DDX31: variants seen among roughly 807,000 people sequenced by gnomAD.
DDX31 encodes DEAD-box helicase 31.
In DDX31, 70 loss-of-function variants were observed where a neutral mutation model predicts 91.3. That is an observed-to-expected ratio of 0.77 (90% CI 0.63 to 0.94). DDX31 has a LOEUF of 0.94. DDX31 is among the 40% of genes least tolerant of loss of function. The probability of loss-of-function intolerance (pLI) is 0.00; values close to 1 mark genes in which losing one functional copy is unlikely to be tolerated. For synonymous variants in DDX31, 362 were observed against 350.6 expected (o/e 1.03, Z -0.36); for missense variants, 902 against 925.0 (o/e 0.98, Z 0.32).
chr9:132,662,497 G>C lies in DDX31; in HGVS notation c.274C>G (p.Gln92Glu). ...STSDRNQEERQCIKTSSLFKN... is the reference protein window; with the variant it reads ...STSDRNQEERECIKTSSLFKN... ...AACAGTGATGAAGTCTTAATGCACT[G>C]TCTCTCCTCCTGGTTTCTATCACTT... The change falls in exon 2 of 20, where the codon CAG (glutamine) becomes GAG (glutamate). Residue 92 changes from glutamine to glutamate, a missense_variant. Gln to Glu is a conservative substitution (Grantham distance 29). Coordinates refer to ENST00000372159, the MANE Select transcript of DDX31 (RefSeq NM_022779.9). The C allele has an allele frequency of 6.2e-7, 1 of 1,614,190 alleles. No individual in the cohort carries two copies. Among genetic ancestry groups the C allele is most frequent in the Non-Finnish European group, 8.5e-7 (1 of 1,180,038 alleles).
At chr9:132,596,581 G>A (rs977068794) in intron 19 of DDX31, among the ~76,000 whole-genome samples, 1 of 152,160 alleles carries the variant, frequency 6.6e-6, no homozygotes, top group Non-Finnish European at 1.5e-5. Context: ...TACAATCCTC[G>A]CTCAACAAGG....
In DDX31 at chr9:132,651,063, G is replaced by A. The variant is rs113115390; in HGVS notation, c.675+12C>T. The A allele has an allele frequency of 5.6e-6, 9 of 1,608,032 alleles. No homozygotes were observed. The highest frequency in any genetic ancestry group is 4.0e-5 in the African/African-American group (3 of 74,678). On this transcript the variant is annotated intron_variant, in intron 8 of 19. Coordinates refer to ENST00000372159, the MANE Select transcript of DDX31 (RefSeq NM_022779.9). ...GCAAGCAAGATGAAATGGAACTCATGGTTTGCCTTACCTTAAGCAGTTTCT... is the reference window on the plus strand; with the variant it reads ...GCAAGCAAGATGAAATGGAACTCATAGTTTGCCTTACCTTAAGCAGTTTCT...
At chr9:132,597,572 G>A (rs557342878) in intron 19 of DDX31, among the ~76,000 whole-genome samples, 2 of 152,286 alleles carry the variant, frequency 1.3e-5, no homozygotes, top group East Asian at 3.9e-4. Flanking sequence ...TCCTGCTACC[G>A]CTAAGGCAAA....
intron 7 of DDX31, among the ~76,000 whole-genome samples, chr9:132,651,781 C>A (rs1037599822): frequency 6.6e-6 from 1 of 152,176 alleles, no homozygotes; most frequent in African/African-American, 2.4e-5. Flanking sequence ...ATTCATGAAG[C>A]ATCCTCGAGA....
intron 19 of DDX31, among the ~76,000 whole-genome samples, chr9:132,610,800 A>G (rs1480859434): frequency 6.6e-6 from 1 of 151,990 alleles, no homozygotes; most frequent in African/African-American, 2.4e-5. Context: ...AAAAATATGG[A>G]TTTTCCTCCC....
chr9:132,643,259 T>A (rs1342378077), intron 13 of DDX31, among the ~76,000 whole-genome samples: 1 of 152,214 alleles, frequency 6.6e-6, no homozygotes, highest in Non-Finnish European at 1.5e-5. Context: ...CCTAGAATGC[T>A]TTCAGTATGA....
chr9:132,664,416 A>G (rs1835178093), intron 1 of DDX31, among the ~76,000 whole-genome samples: 1 of 152,146 alleles, frequency 6.6e-6, no homozygotes, highest in South Asian at 2.1e-4. Context: ...GAACTAAAAA[A>G]TCTGTAATAT....
intron 1 of DDX31, chr9:132,663,181 C>A (rs1216750356): frequency 1.3e-5 from 17 of 1,289,238 alleles, no homozygotes; most frequent in Non-Finnish European, 1.6e-5. Context: ...AGGGGGAATG[C>A]GCATCTCAGC....
intron 17 of DDX31, among the ~76,000 whole-genome samples, chr9:132,620,786 A>C (rs967806697): frequency 2.0e-5 from 3 of 152,148 alleles, no homozygotes; most frequent in African/African-American, 7.2e-5. Context: ...CTATAATGAG[A>C]GCGGGTCAAA....
chr9:132,615,560 G>A (rs1831580403), intron 18 of DDX31, among the ~76,000 whole-genome samples: 1 of 152,200 alleles, frequency 6.6e-6, no homozygotes, highest in African/African-American at 2.4e-5. Flanking sequence ...TCACTGGTGT[G>A]GGTTTTCTAG....
intron 19 of DDX31, among the ~76,000 whole-genome samples, chr9:132,604,783 T>A (rs1422799456): frequency 6.6e-6 from 1 of 152,204 alleles, no homozygotes; most frequent in East Asian, 1.9e-4. Flanking sequence ...TGGTCCTAAC[T>A]GTTTTGCTCT....
At chr9:132,661,326 G>A in intron 3 of DDX31, 75 bp from the exon 4 acceptor site, 4 of 1,244,012 alleles carry the variant, frequency 3.2e-6, no homozygotes, top group Non-Finnish European at 4.6e-6. Flanking sequence ...CAAGAAAGGA[G>A]AAACTATTGA....
rs951461501 is a variant in DDX31 at position 132,637,868 on chromosome 9, C to T, written c.1440+4136G>A. The T allele has an allele frequency of 2.0e-5, 20 of 987,188 alleles. No individual in the cohort carries two copies. In the South Asian group the frequency reaches 3.8e-4, roughly 19 times the overall value. The allele number at this position is 987,188 out of a possible 1,614,324, so 61.2% of individuals were successfully genotyped here. A position where few individuals can be genotyped will look rare whatever the true frequency, so the allele number is the denominator to read the frequency against. On this transcript the variant is annotated intron_variant, in intron 14 of 19. Coordinates refer to ENST00000372159, the MANE Select transcript of DDX31 (RefSeq NM_022779.9). ...AAAAAGCATACCCCAGAGAAAAGCA[C>T]GAAAGTCTACATTTATTTGGGACAC...
intron 17 of DDX31, among the ~76,000 whole-genome samples, chr9:132,619,622 A>T (rs964200851): frequency 2.6e-5 from 4 of 152,202 alleles, no homozygotes; most frequent in Non-Finnish European, 5.9e-5. Flanking sequence ...GTTTAGTCAA[A>T]TCATTCCTGC....
rs1488462009 is a variant in DDX31 at position 132,625,762 on chromosome 9, A to G, written c.1632-17T>C. ...TCAGAAACGCTGTAAAAGGAAGGGC[A>G]CAGCAAGGTAACTTTTTGCTCTTTC... is the stretch of plus-strand genomic sequence containing the variant. On this transcript the variant is annotated splice_polypyrimidine_tract_variant and intron_variant, in intron 16 of 19. Transcript: ENST00000372159. The G allele has an allele frequency of 1.3e-5, 21 of 1,608,338 alleles. No homozygotes were observed. Among genetic ancestry groups the G allele is most frequent in the Non-Finnish European group, 1.7e-5 (20 of 1,177,224 alleles).
chr9:132,624,391 T>C (rs1832263117), intron 17 of DDX31, among the ~76,000 whole-genome samples: 1 of 152,176 alleles, frequency 6.6e-6, no homozygotes, highest in Non-Finnish European at 1.5e-5. Context: ...ATGGAGTCTT[T>C]AACAGCTTTT....
chr9:132,607,947 G>T (rs1002453337), intron 19 of DDX31, among the ~76,000 whole-genome samples: 3 of 152,140 alleles, frequency 2.0e-5, no homozygotes, highest in Non-Finnish European at 2.9e-5. Context: ...GTTCTGACAC[G>T]TTCTACTTGT....
chr9:132,661,267 A>C lies in DDX31; in HGVS notation c.409-16T>G, dbSNP rs748258882. 2.0e-5 allele frequency: 31 copies of C among 1,570,398 alleles called. No individual in the cohort carries two copies. The highest frequency in any genetic ancestry group is 2.7e-5 in the Non-Finnish European group (31 of 1,146,274). ...TTGTGGAAATCTAAAAGAGGAGATG[A>C]AAAAGCTTTAATTAATATTTTGATA... On this transcript the variant is annotated splice_polypyrimidine_tract_variant and intron_variant, in intron 3 of 19. Coordinates refer to ENST00000372159, the MANE Select transcript of DDX31 (RefSeq NM_022779.9).
chr9:132,651,254 C>A, intron 7 of DDX31, 138 bp from the exon 8 acceptor site: 2 of 684,800 alleles, frequency 2.9e-6, no homozygotes, highest in South Asian at 2.1e-5. Context: ...TACACAGAAT[C>A]TAATATACCT....
Sources: allele counts gnomAD v4.1 joint callset (sites outside exome capture counted in the v4.1 genomes callset), GRCh38; gene constraint gnomAD v4.1.1; transcripts MANE v1.5; gene names NCBI Gene and HGNC (gene_info 2026-07-23, HGNC 2026-07-21).